Variants in PCDH15 observed in about 807,000 individuals in gnomAD.
PCDH15 encodes protocadherin-15.
A neutral mutation model predicts 178.5 loss-of-function variants in PCDH15; 129 were observed. The ratio of observed to expected loss-of-function variants is 0.72; its 90% CI spans 0.63 to 0.84. PCDH15 has a LOEUF of 0.84. PCDH15 is among the 40% of genes least tolerant of loss of function. PCDH15 has a pLI of 0.00. For synonymous variants in PCDH15, 800 were observed against 732.0 expected (o/e 1.09, Z -1.50); for missense variants, 2,230 against 2,099.9 (o/e 1.06, Z -1.21).
intron 3 of PCDH15, among the ~76,000 whole-genome samples, chr10:54,507,858 T>A (rs1477231756): frequency 6.6e-6 from 1 of 152,032 alleles, no homozygotes; most frequent in Admixed American, 6.6e-5. Context: ...TTCTTCATAT[T>A]AAAATTTCAG....
chr10:53,881,856 C>A (rs1039711492), intron 26 of PCDH15, among the ~76,000 whole-genome samples: 2 of 152,102 alleles, frequency 1.3e-5, no homozygotes, highest in African/African-American at 4.8e-5. Flanking sequence ...GTGGAAGCAT[C>A]CATGGTCAGA....
At chr10:54,723,753 GA>G (rs1942041318) in intron 1 of PCDH15, among the ~76,000 whole-genome samples, 1 of 151,530 alleles carries the variant, frequency 6.6e-6, no homozygotes. Flanking sequence ...TTTCTTAAAA[GA>G]AGAAATACAT....
At chr10:55,109,021 T>A (rs1182997622) in intron 2 of PCDH15, among the ~76,000 whole-genome samples, 1 of 152,168 alleles carries the variant, frequency 6.6e-6, no homozygotes, top group East Asian at 1.9e-4. Flanking sequence ...AGTGTATACT[T>A]ATCAGTAACC....
intron 1 of PCDH15, among the ~76,000 whole-genome samples, chr10:55,315,394 C>A (rs982869914): frequency 1.3e-5 from 2 of 152,082 alleles, no homozygotes; most frequent in Admixed American, 1.3e-4. Context: ...AATTCAAGTG[C>A]TGTAGATGAC....
At chr10:55,034,054 T>C (rs936268577) in intron 2 of PCDH15, among the ~76,000 whole-genome samples, 1 of 149,508 alleles carries the variant, frequency 6.7e-6, no homozygotes, top group Non-Finnish European at 1.5e-5. Flanking sequence ...GATCTTGGAC[T>C]TCCCAACCTT....
rs1293433992 is a variant in PCDH15 at position 54,555,723 on chromosome 10, C to T, written c.92-27846G>A. On this transcript the variant is annotated intron_variant, in intron 2 of 37. Transcript: ENST00000644397. ...CTGCACTCCAGCCTGGGTGACAGAG[C>T]GAGACTCTGTCTCAAAAAAAAAAAA... Among the ~76,000 whole-genome samples, 67 of 119,474 alleles carry T rather than the reference C, an allele frequency of 5.6e-4. 1 individual carries two copies. Among genetic ancestry groups the T allele is most frequent in the Admixed American group, 3.4e-4 (3 of 8,826 alleles). 78.4% of individuals were successfully genotyped at this position (119,474 alleles called of 152,430 possible). A position where few individuals can be genotyped will look rare whatever the true frequency, so the allele number is the denominator to read the frequency against.
intron 2 of PCDH15, chr10:55,600,037 A>C: frequency 8.7e-7 from 1 of 1,152,718 alleles, no homozygotes; most frequent in Non-Finnish European, 1.2e-6. Flanking sequence ...AAACAAGCCA[A>C]CAGGCCCCAA....
chr10:54,552,706 T>G (rs1359937738), intron 2 of PCDH15, among the ~76,000 whole-genome samples: 2 of 152,124 alleles, frequency 1.3e-5, no homozygotes, highest in Non-Finnish European at 1.5e-5. Context: ...GGATGGTAAG[T>G]GTAAAAGTAG....
At chr10:54,711,902 A>T (rs918300628) in intron 1 of PCDH15, among the ~76,000 whole-genome samples, 1 of 151,938 alleles carries the variant, frequency 6.6e-6, no homozygotes, top group African/African-American at 2.4e-5. Context: ...TTCTATTTCT[A>T]TAATTATCAT....
intron 23 of PCDH15, among the ~76,000 whole-genome samples, chr10:53,953,851 G>T (rs572505118): frequency 6.6e-6 from 1 of 152,062 alleles, no homozygotes; most frequent in Non-Finnish European, 1.5e-5. Context: ...GTGCAGTGGC[G>T]CAATCTCAGC....
chr10:54,155,057 C>T (rs1283713545), intron 13 of PCDH15, among the ~76,000 whole-genome samples: 1 of 152,080 alleles, frequency 6.6e-6, no homozygotes, highest in Admixed American at 6.6e-5. Flanking sequence ...CTCAGGAAAT[C>T]TTAATTAAAA....
chr10:54,569,991 G>C (rs2089575273), intron 2 of PCDH15, among the ~76,000 whole-genome samples: 1 of 151,912 alleles, frequency 6.6e-6, no homozygotes, highest in Non-Finnish European at 1.5e-5. Context: ...GGGCTACATT[G>C]GTCCAAATTT....
chr10:54,434,277 G>C (rs941722752), intron 3 of PCDH15, among the ~76,000 whole-genome samples: 7 of 152,114 alleles, frequency 4.6e-5, no homozygotes, highest in African/African-American at 1.7e-4. Context: ...GTGATGAAGT[G>C]TACAGTGTTT....
intron 2 of PCDH15, among the ~76,000 whole-genome samples, chr10:55,510,877 CTT>C (rs1840866657): frequency 6.7e-6 from 1 of 150,132 alleles, no homozygotes; most frequent in Non-Finnish European, 1.5e-5. Context: ...CACACACACA[CTT>C]GAGATAGGAT....
intron 18 of PCDH15, among the ~76,000 whole-genome samples, chr10:54,032,773 A>G (rs1036438282): frequency 1.3e-5 from 2 of 152,030 alleles, no homozygotes; most frequent in African/African-American, 4.8e-5. Flanking sequence ...ATAACTTCCC[A>G]GAAACTGGGG....
intron 25 of PCDH15, among the ~76,000 whole-genome samples, chr10:53,914,610 G>A (rs112061485): frequency 2.0e-5 from 3 of 152,262 alleles, no homozygotes; most frequent in African/African-American, 7.2e-5. Context: ...ACCAGGGCCT[G>A]TTGTGGAGTT....
In PCDH15 at chr10:54,899,069, C is replaced by T. The variant is rs765957087; in HGVS notation, c.-79-1569G>A. On this transcript the variant is annotated intron_variant, in intron 2 of 5. Transcript: ENST00000458638. ...GAATTGGAAGCTATCATAAAAGTAA[C>T]GATTGCCATTTAAAAAAAGTATTAT... is the stretch of plus-strand genomic sequence containing the variant. Among the ~76,000 whole-genome samples the T allele has an allele frequency of 4.6e-5, 7 of 152,110 alleles. 1 individual carries two copies. In the Middle Eastern group the frequency reaches 0.01, roughly 222 times the overall value.
intron 24 of PCDH15, among the ~76,000 whole-genome samples, chr10:53,939,558 T>G (rs1197089219): frequency 6.6e-6 from 1 of 152,072 alleles, no homozygotes; most frequent in Non-Finnish European, 1.5e-5. Flanking sequence ...CCATATTCTC[T>G]CCTTACTTTA....
intron 2 of PCDH15, among the ~76,000 whole-genome samples, chr10:55,386,265 T>A (rs1319507030): frequency 6.6e-6 from 1 of 151,678 alleles, no homozygotes; most frequent in African/African-American, 2.4e-5. Flanking sequence ...CACCCAGAAG[T>A]CATAAAAGAA....
Sources: gnomAD v4.1 joint callset for allele counts (sites outside exome capture counted in the v4.1 genomes callset) on GRCh38, gnomAD v4.1.1 for gene constraint, MANE v1.5 for transcripts, NCBI Gene and HGNC (gene_info 2026-07-23, HGNC 2026-07-21) for gene names.